CSMD1: variants seen among roughly 807,000 people sequenced by gnomAD.
CSMD1 encodes CUB and sushi domain-containing protein 1.
In CSMD1, 213 loss-of-function variants were observed where a neutral mutation model predicts 417.5. The observed-to-expected ratio is 0.51, with a 90% CI of 0.46 to 0.57. CSMD1 has a LOEUF of 0.57. Among genes scored for constraint, CSMD1 ranks in the 20% least tolerant of loss-of-function variants. The pLI is 0.00. For synonymous variants in CSMD1, 2,862 were observed against 1,736.8 expected (o/e 1.65, Z -16.11); for missense variants, 6,923 against 4,529.7 (o/e 1.53, Z -15.17).
chr8:4,082,092 A>C (rs1190502932), intron 3 of CSMD1, among the ~76,000 whole-genome samples: 1 of 152,170 alleles, frequency 6.6e-6, no homozygotes, highest in African/African-American at 2.4e-5. Flanking sequence ...ACTGAGACTT[A>C]TCAAGAAAAA....
chr8:3,317,580 T>A (rs1247466860), intron 23 of CSMD1, among the ~76,000 whole-genome samples: 1 of 152,204 alleles, frequency 6.6e-6, no homozygotes, highest in Admixed American at 6.5e-5. Context: ...CCAGAATGAC[T>A]TAATTTTGTT....
chr8:4,986,469 C>A (rs1407611858), intron 1 of CSMD1, among the ~76,000 whole-genome samples: 1 of 152,136 alleles, frequency 6.6e-6, no homozygotes, highest in African/African-American at 2.4e-5. Context: ...TGACTGCCTG[C>A]AATTTATAAT....
chr8:4,106,531 T>G (rs1441375469), intron 3 of CSMD1, among the ~76,000 whole-genome samples: 2 of 152,140 alleles, frequency 1.3e-5, no homozygotes, highest in African/African-American at 4.8e-5. Flanking sequence ...CTATGATATT[T>G]TAAATTTAAG....
intron 50 of CSMD1, among the ~76,000 whole-genome samples, chr8:3,049,991 T>G (rs1811712157): frequency 6.6e-6 from 1 of 152,070 alleles, no homozygotes; most frequent in African/African-American, 2.4e-5. Context: ...TTACATTTTA[T>G]AAAGTGACCT....
At chr8:4,199,390 G>C (rs1445599736) in intron 3 of CSMD1, among the ~76,000 whole-genome samples, 2 of 152,204 alleles carry the variant, frequency 1.3e-5, no homozygotes, top group Non-Finnish European at 2.9e-5. Flanking sequence ...GTGTGGTGGA[G>C]TGAAAAGAAT....
At chr8:4,666,905 T>C (rs1452406580) in intron 1 of CSMD1, among the ~76,000 whole-genome samples, 1 of 152,168 alleles carries the variant, frequency 6.6e-6, no homozygotes, top group East Asian at 1.9e-4. Flanking sequence ...TTTTGTGTGT[T>C]ACCTAATTAA....
intron 10 of CSMD1, among the ~76,000 whole-genome samples, chr8:3,522,654 T>G (rs142290432): frequency 7.2e-5 from 11 of 151,976 alleles, no homozygotes; most frequent in African/African-American, 2.7e-4. Context: ...TTGCAGACTT[T>G]GTGACATGTG....
chr8:4,087,346 G>T (rs188006896), intron 3 of CSMD1, among the ~76,000 whole-genome samples: 3 of 152,300 alleles, frequency 2.0e-5, no homozygotes, highest in Non-Finnish European at 2.9e-5. Context: ...GGAACCACTT[G>T]CAAGTCTGAA....
chr8:3,424,109 A>G (rs1813669843), intron 12 of CSMD1, among the ~76,000 whole-genome samples: 1 of 152,236 alleles, frequency 6.6e-6, no homozygotes. Flanking sequence ...AAGTATGAAC[A>G]CAAATTTATC....
At chr8:4,320,140 A>G (rs1228439165) in intron 3 of CSMD1, among the ~76,000 whole-genome samples, 1 of 152,226 alleles carries the variant, frequency 6.6e-6, no homozygotes, top group African/African-American at 2.4e-5. Context: ...GTAACAGAAC[A>G]AAGCACAAAA....
At chr8:3,711,057 G>C (rs1254210910) in intron 6 of CSMD1, among the ~76,000 whole-genome samples, 1 of 152,160 alleles carries the variant, frequency 6.6e-6, no homozygotes. Flanking sequence ...TGCCAAGTCT[G>C]AGATATTTTC....
chr8:3,850,167 G>C (rs1445051114), intron 5 of CSMD1, among the ~76,000 whole-genome samples: 1 of 152,342 alleles, frequency 6.6e-6, no homozygotes, highest in East Asian at 1.9e-4. Flanking sequence ...AATTTCAAGT[G>C]TCTGCTGTAT....
chr8:4,033,750 ATTCTGTTCTTTTTGG>A (rs1459657182), intron 3 of CSMD1, among the ~76,000 whole-genome samples: 9 of 152,142 alleles, frequency 5.9e-5, no homozygotes, highest in Admixed American at 2.6e-4. Context: ...TGGGGTATTG[ATTCTGTTCTTTTTGG>A]TCCTCTCACT....
intron 11 of CSMD1, among the ~76,000 whole-genome samples, chr8:3,485,869 C>T (rs1007450751): frequency 7.3e-5 from 11 of 151,536 alleles, no homozygotes; most frequent in African/African-American, 2.7e-4. Context: ...TGGATCATAT[C>T]AAGGTGAATA....
chr8:3,612,323 T>A (rs1395294397), intron 8 of CSMD1, among the ~76,000 whole-genome samples: 1 of 152,140 alleles, frequency 6.6e-6, no homozygotes, highest in African/African-American at 2.4e-5. Flanking sequence ...CTGATAAAGC[T>A]GCAATGAGAA....
intron 5 of CSMD1, among the ~76,000 whole-genome samples, chr8:3,988,959 G>A (rs538275797): frequency 5.9e-5 from 9 of 152,252 alleles, no homozygotes; most frequent in African/African-American, 2.2e-4. Flanking sequence ...AAAATTTGAA[G>A]GTTATTTGCT....
intron 3 of CSMD1, among the ~76,000 whole-genome samples, chr8:4,070,240 A>G (rs1267023603): frequency 2.0e-5 from 3 of 152,158 alleles, no homozygotes; most frequent in Admixed American, 6.5e-5. Flanking sequence ...TGCTTATCAT[A>G]TATATTACAA....
At chr8:3,959,241 T>G (rs1297651504) in intron 5 of CSMD1, among the ~76,000 whole-genome samples, 1 of 152,234 alleles carries the variant, frequency 6.6e-6, no homozygotes, top group African/African-American at 2.4e-5. Context: ...GGGACACGTG[T>G]GTAATCCCAG....
At chr8:4,031,699 G>C (rs943943029) in intron 4 of CSMD1, among the ~76,000 whole-genome samples, 3 of 151,984 alleles carry the variant, frequency 2.0e-5, no homozygotes, top group Non-Finnish European at 4.4e-5. Context: ...ATACTAACAT[G>C]CAATATTAAA....
Sources: gnomAD v4.1 joint callset for allele counts (sites outside exome capture counted in the v4.1 genomes callset) on GRCh38, gnomAD v4.1.1 for gene constraint, MANE v1.5 for transcripts, NCBI Gene and HGNC (gene_info 2026-07-23, HGNC 2026-07-21) for gene names.